The following OR7G2 variants were observed in gnomAD, a reference collection of about 807,000 sequenced individuals.
OR7G2 encodes the protein olfactory receptor 7G2.
For synonymous variants in OR7G2, 153 were observed against 152.2 expected, an observed-to-expected ratio of 1.01 and a Z score of -0.04; for missense variants, 362 against 384.0, an observed-to-expected ratio of 0.94 and a Z score of 0.48.
rs2050353399 is a variant in OR7G2, at chr19:9,101,471, C to T, written c.*798G>A. 1 of 152,098 alleles carries T rather than the reference C, an allele frequency of 6.6e-6. No homozygotes were observed. Among genetic ancestry groups the T allele is most frequent in the Non-Finnish European group, 1.5e-5 (1 of 68,038 alleles). The allele number at this position is 152,098 out of a possible 1,614,324, so 9.4% of individuals were successfully genotyped here. On this transcript the variant is annotated 3_prime_UTR_variant, in exon 2 of 2. Coordinates refer to ENST00000641081, the MANE Select transcript of OR7G2 (RefSeq NM_001005193.2). ...GCCTCTAATCCCAGTAATCCCAGAA[C>T]TTTGGGAGGCCGAGGCGAATGGATC...
chr19:9,103,029 C>T lies in OR7G2; in HGVS notation c.215G>A (p.Cys72Tyr). The change falls in exon 2 of 2, where the codon TGT becomes TAT. Residue 72 changes from cysteine (C) to tyrosine (Y), a missense_variant. By Grantham distance (194) the Cys-to-Tyr change is radical. Coordinates refer to ENST00000641081, the MANE Select transcript of OR7G2 (RefSeq NM_001005193.2). ...FLSNLSFLDI[C>Y]LSTTTIPKML... The stretch of plus-strand genomic sequence containing the variant: ...CTTTGGGATCGTGGTTGTGCTTAAA[C>T]AAATGTCCAAAAAGGAGAGATTGGA... 6.2e-7 allele frequency: 1 copy of T among 1,614,068 alleles called. No homozygotes were observed. Among genetic ancestry groups the T allele is most frequent in the Non-Finnish European group, 8.5e-7 (1 of 1,180,000 alleles).
rs546525756 is a variant in OR7G2, at chr19:9,102,889, C to T, written c.355G>A (p.Ala119Thr). ...GLENCLLAAMAYDRYVAICHP... is the reference protein window; with the variant it reads ...GLENCLLAAMTYDRYVAICHP... Reference sequence around the variant, plus strand: ...CAAATGGCCACATAGCGGTCATAGGCCATTGCTGCAAGGAGACAATTTTCC... The same window carrying T: ...CAAATGGCCACATAGCGGTCATAGGTCATTGCTGCAAGGAGACAATTTTCC... The change falls in exon 2 of 2, where the codon GCC becomes ACC. Residue 119 changes from alanine (A) to threonine (T), a missense_variant. Physicochemically the swap from Ala to Thr is moderately conservative, Grantham distance 58. Transcript: ENST00000641081. The T allele has an allele frequency of 6.2e-7, 1 of 1,614,034 alleles. No homozygotes were observed. Among genetic ancestry groups the T allele is most frequent in the South Asian group, 1.1e-5 (1 of 91,062 alleles).
rs1015585227 is a variant in OR7G2, at chr19:9,100,718, T to C, written c.*1551A>G. 3 of 152,192 alleles carry C rather than the reference T, an allele frequency of 2.0e-5. No homozygotes were observed. The highest frequency in any genetic ancestry group is 4.4e-5 in the Non-Finnish European group (3 of 68,040). 9.4% of individuals were successfully genotyped at this position (152,192 alleles called of 1,614,324 possible). On this transcript the variant is annotated 3_prime_UTR_variant, in exon 2 of 2. Transcript: ENST00000641081. ...TTTACCAGTGACTGGTCCCAGTAGT[T>C]ACTAAATTGGGTATGAAAACTTAGC...
intron 1 of OR7G2, among the ~76,000 whole-genome samples, chr19:9,106,444 C>A (rs1344789259): frequency 7.2e-6 from 1 of 139,152 alleles, no homozygotes; most frequent in Non-Finnish European, 1.6e-5. Context: ...AAAAAAAATT[C>A]ACACAATTCA....
At position 9,100,713 on chromosome 19, in the gene OR7G2, G is replaced by C. The variant is rs531858769; in HGVS notation, c.*1556C>G. Reference sequence around the variant, plus strand: ...TATAGTTTACCAGTGACTGGTCCCAGTAGTTACTAAATTGGGTATGAAAAC... The same window carrying C: ...TATAGTTTACCAGTGACTGGTCCCACTAGTTACTAAATTGGGTATGAAAAC... On this transcript the variant is annotated 3_prime_UTR_variant, in exon 2 of 2. Coordinates refer to ENST00000641081, the MANE Select transcript of OR7G2 (RefSeq NM_001005193.2). 1 of 152,302 alleles carries C rather than the reference G, an allele frequency of 6.6e-6. No homozygotes were observed. The highest frequency in any genetic ancestry group is 2.4e-5 in the African/African-American group (1 of 41,570). 9.4% of individuals were successfully genotyped at this position (152,302 alleles called of 1,614,324 possible).
intron 1 of OR7G2, among the ~76,000 whole-genome samples, chr19:9,106,814 C>T (rs1233753605): frequency 6.6e-6 from 1 of 151,280 alleles, no homozygotes; most frequent in Non-Finnish European, 1.5e-5. Context: ...CCTAGGGGAA[C>T]CAGTACACAC....
Position 9,102,799 on chromosome 19 carries a change from G to A in OR7G2, c.445C>T (p.Leu149=). The part of the protein sequence containing the change: ...RLCGLLILLS[L]LTSVVNALLL... The stretch of plus-strand genomic sequence containing the variant: ...AGGGCATTCACAACACTAGTCAACA[G>A]AGAGAGAAGAATCAGCAGGCCACAG... The change falls in exon 2 of 2, where the codon CTG becomes TTG. Residue 149 remains leucine (L), a synonymous_variant. Transcript: ENST00000641081. 6.2e-7 allele frequency: 1 copy of A among 1,613,922 alleles called. No individual in the cohort carries two copies. Among genetic ancestry groups the A allele is most frequent in the Non-Finnish European group, 8.5e-7 (1 of 1,179,838 alleles).
intron 1 of OR7G2, among the ~76,000 whole-genome samples, chr19:9,107,111 G>A (rs1251446634): frequency 6.6e-6 from 1 of 152,148 alleles, no homozygotes; most frequent in Non-Finnish European, 1.5e-5. Context: ...GGCTGAGGCT[G>A]AAGGATTGGT....
Position 9,102,588 on chromosome 19 carries a change from G to A in OR7G2, c.656C>T (p.Thr219Ile). ...VPLSGIILSY[T>I]QITSCVLRMP... Reference sequence around the variant, plus strand: ...TCTCAAAACACAGGAGGTGATCTGAGTGTAAGACAAAATGATTCCAGACAG... The same window carrying A: ...TCTCAAAACACAGGAGGTGATCTGAATGTAAGACAAAATGATTCCAGACAG... Residue 219 changes from threonine (T) to isoleucine (I), a missense_variant, in exon 2 of 2, where the codon ACT becomes ATT. Thr to Ile is a moderately conservative substitution (Grantham distance 89, BLOSUM62 -1). Transcript: ENST00000641081. The A allele has an allele frequency of 6.2e-7, 1 of 1,614,188 alleles. No homozygotes were observed. The highest frequency in any genetic ancestry group is 8.5e-7 in the Non-Finnish European group (1 of 1,180,030).
chr19:9,104,546 G>C (rs1417644458), intron 1 of OR7G2, among the ~76,000 whole-genome samples: 1 of 152,026 alleles, frequency 6.6e-6, no homozygotes. Context: ...TAAAATTCTT[G>C]GTGGGGCGTG....
intron 1 of OR7G2, 89 bp downstream of exon 1, chr19:9,107,225 C>T (rs74178137): frequency 0.052 from 7,938 of 152,174 alleles, 304 homozygotes; most frequent in Non-Finnish European, 0.078. Context: ...AAAAACAAAA[C>T]CACCTGCCCT....
chr19:9,106,583 G>A (rs2050387586), intron 1 of OR7G2, among the ~76,000 whole-genome samples: 1 of 151,620 alleles, frequency 6.6e-6, no homozygotes, highest in Non-Finnish European at 1.5e-5. Flanking sequence ...GAGGCAGGTG[G>A]ATCATCTGAG....
intron 1 of OR7G2, among the ~76,000 whole-genome samples, chr19:9,104,695 T>C (rs1373665903): frequency 1.3e-5 from 2 of 151,548 alleles, no homozygotes; most frequent in Admixed American, 6.6e-5. Flanking sequence ...GGCGTGGTGG[T>C]GGGCGCCTGT....
In OR7G2 at chr19:9,102,020, T is replaced by C. The variant is rs1371170576; in HGVS notation, c.*249A>G. ...GAGTTTGAGACCAGCCTGGCCAACA[T>C]GGTGAAACTCTATCTCTACTAAAAA... On this transcript the variant is annotated 3_prime_UTR_variant, in exon 2 of 2. Transcript: ENST00000641081. 5.5e-6 allele frequency: 2 copies of C among 365,324 alleles called. No homozygotes were observed. Among genetic ancestry groups the C allele is most frequent in the Admixed American group, 4.3e-5 (1 of 23,212 alleles). The allele number at this position is 365,324 out of a possible 1,614,324, so 22.6% of individuals were successfully genotyped here.
At position 9,102,977 on chromosome 19, in the gene OR7G2, A is replaced by C. The variant is rs559385488; in HGVS notation, c.267T>G (p.Asn89Lys). ...GGCAGCCTGAGTACGTGATGCTCCGATTCTGAGCTTGGATGTTCACCAGCA... is the reference window on the plus strand; with the variant it reads ...GGCAGCCTGAGTACGTGATGCTCCGCTTCTGAGCTTGGATGTTCACCAGCA... ...PKMLVNIQAQ[N>K]RSITYSGCLT... is the part of the protein sequence containing the mutation. Residue 89 changes from asparagine to lysine, a missense_variant, in exon 2 of 2, where the codon AAT becomes AAG. Physicochemically the swap from Asn to Lys is moderately conservative, Grantham distance 94. Transcript: ENST00000641081. 8.1e-6 allele frequency: 13 copies of C among 1,614,194 alleles called. No individual in the cohort carries two copies. Among genetic ancestry groups the C allele is most frequent in the Admixed American group, 5.0e-5 (3 of 60,004 alleles).
intron 1 of OR7G2, among the ~76,000 whole-genome samples, 157 bp downstream of exon 1, chr19:9,107,157 C>T (rs1418962174): frequency 2.0e-5 from 3 of 152,090 alleles, no homozygotes; most frequent in Non-Finnish European, 4.4e-5. Context: ...GAGCTATGAT[C>T]GAGTCACCAC....
intron 1 of OR7G2, among the ~76,000 whole-genome samples, chr19:9,106,063 T>A (rs1388498356): frequency 6.6e-6 from 1 of 152,074 alleles, no homozygotes; most frequent in Non-Finnish European, 1.5e-5. Flanking sequence ...TATTCATGTG[T>A]GAATTATTCA....
chr19:9,104,179 G>C (rs529323428), intron 1 of OR7G2, among the ~76,000 whole-genome samples: 1 of 152,076 alleles, frequency 6.6e-6, no homozygotes, highest in Non-Finnish European at 1.5e-5. Flanking sequence ...GAGCCATCAC[G>C]CTCGGCCAAA....
intron 1 of OR7G2, 102 bp downstream of exon 1, chr19:9,107,212 C>T (rs2050391059): frequency 6.6e-6 from 1 of 151,994 alleles, no homozygotes; most frequent in Non-Finnish European, 1.5e-5. Context: ...TAAAAAAACC[C>T]CAAAAAACAA....
Sources: allele counts gnomAD v4.1 joint callset (sites outside exome capture counted in the v4.1 genomes callset), GRCh38; gene constraint gnomAD v4.1.1; transcripts MANE v1.5; gene names NCBI Gene and HGNC (gene_info 2026-07-23, HGNC 2026-07-21).